Variants in ADK observed in about 807,000 individuals in gnomAD.
ADK encodes the protein adenosine kinase.
A neutral mutation model predicts 44.7 loss-of-function variants in ADK; 24 were observed. That is an observed-to-expected ratio of 0.54 (90% confidence interval 0.39 to 0.76). The LOEUF (loss-of-function observed/expected upper bound fraction) is 0.76. ADK is among the 30% of genes least tolerant of loss of function. ADK has a pLI of 0.00. For missense variants in ADK, 321 were observed against 425.1 expected (o/e 0.76, Z 2.15); for synonymous variants, 128 against 142.6 (o/e 0.90, Z 0.73).
At chr10:74,289,959 C>G (rs1847342166) in intron 3 of ADK, among the ~76,000 whole-genome samples, 1 of 151,856 alleles carries the variant, frequency 6.6e-6, no homozygotes, top group South Asian at 2.1e-4. Context: ...TACTCTTTCT[C>G]AAGATAATAT....
chr10:74,435,648 T>G (rs1223003488), intron 6 of ADK, among the ~76,000 whole-genome samples: 1 of 152,188 alleles, frequency 6.6e-6, no homozygotes, highest in Non-Finnish European at 1.5e-5. Context: ...AAATCTTGAC[T>G]ATTTGACAAG....
At chr10:74,612,549 T>C (rs1852595687) in intron 9 of ADK, among the ~76,000 whole-genome samples, 1 of 152,210 alleles carries the variant, frequency 6.6e-6, no homozygotes. Context: ...ATTGGTTGCA[T>C]AGTTAGCAAA....
rs140425822 is a variant in ADK, at chr10:74,156,474, G to C, written c.65+5131G>C. Among the ~76,000 whole-genome samples, 1,213 of 152,270 alleles carry C rather than the reference G, an allele frequency of 8.0e-3. 9 individuals carry two copies. Among genetic ancestry groups the C allele is most frequent in the African/African-American group, 0.02 (826 of 41,556 alleles). ...GCTCTACAAAAATAAACTTAGCCAG[G>C]CATGGCAGCAGGTTCCTGTTGTCCC... On this transcript the variant is annotated intron_variant, in intron 1 of 10. Coordinates refer to ENST00000539909, the MANE Select transcript of ADK (RefSeq NM_006721.4).
chr10:74,289,690 C>T (rs1314383314), intron 3 of ADK, among the ~76,000 whole-genome samples: 2 of 151,956 alleles, frequency 1.3e-5, no homozygotes, highest in African/African-American at 4.8e-5. Context: ...TTAAAAGTGG[C>T]ACTATGTTTT....
chr10:74,251,894 CTTTTTTT>C (rs566363104), intron 3 of ADK, among the ~76,000 whole-genome samples: 5 of 99,386 alleles, frequency 5.0e-5, no homozygotes, highest in East Asian at 2.9e-4. Flanking sequence ...GTGGCAGATA[CTTTTTTT>C]TTTTTTTTTT....
intron 10 of ADK, among the ~76,000 whole-genome samples, chr10:74,696,135 C>G (rs992938334): frequency 1.1e-4 from 16 of 152,086 alleles, no homozygotes; most frequent in African/African-American, 2.2e-4. Context: ...ATTCTCATCC[C>G]TTAGCCAACC....
At chr10:74,659,297 G>A (rs1284480633) in intron 9 of ADK, among the ~76,000 whole-genome samples, 1 of 152,128 alleles carries the variant, frequency 6.6e-6, no homozygotes. Context: ...ATCTATCATT[G>A]TTTTCTTGGT....
At chr10:74,656,974 C>G (rs1411009837) in intron 9 of ADK, among the ~76,000 whole-genome samples, 1 of 152,110 alleles carries the variant, frequency 6.6e-6, no homozygotes, top group Non-Finnish European at 1.5e-5. Context: ...ATCCTCCTGC[C>G]TCAGCCTCCT....
At chr10:74,513,613 G>A (rs1011217917) in intron 6 of ADK, among the ~76,000 whole-genome samples, 7 of 152,112 alleles carry the variant, frequency 4.6e-5, no homozygotes, top group African/African-American at 1.7e-4. Flanking sequence ...TCCAGTCTGT[G>A]TGTGTATACA....
intron 6 of ADK, among the ~76,000 whole-genome samples, chr10:74,520,571 C>T (rs1848775564): frequency 6.9e-6 from 1 of 145,810 alleles, no homozygotes. Context: ...AAATGATTAC[C>T]TTGAATTAAG....
At chr10:74,161,299 T>A (rs903343287) in intron 1 of ADK, among the ~76,000 whole-genome samples, 3 of 152,160 alleles carry the variant, frequency 2.0e-5, no homozygotes, top group African/African-American at 7.2e-5. Flanking sequence ...CCTCTCAGGT[T>A]CAAGCAATTC....
chr10:74,274,773 T>A (rs1846606086), intron 3 of ADK, among the ~76,000 whole-genome samples: 1 of 111,514 alleles, frequency 9.0e-6, no homozygotes, highest in Non-Finnish European at 2.1e-5. Context: ...ATATATATAA[T>A]TTTTTGTAGA....
At chr10:74,665,371 T>C (rs187887689) in intron 9 of ADK, among the ~76,000 whole-genome samples, 51 of 152,280 alleles carry the variant, frequency 3.3e-4, no homozygotes, top group Admixed American at 2.9e-3. Context: ...TTACCATCAC[T>C]TTTCTGTTTC....
chr10:74,565,905 A>G (rs977326482), intron 7 of ADK, among the ~76,000 whole-genome samples: 3 of 152,186 alleles, frequency 2.0e-5, no homozygotes, highest in Non-Finnish European at 2.9e-5. Context: ...CAAAATTGTT[A>G]TCTTGAGACA....
At chr10:74,362,974 G>T (rs1466799600) in intron 4 of ADK, among the ~76,000 whole-genome samples, 1 of 152,208 alleles carries the variant, frequency 6.6e-6, no homozygotes, top group African/African-American at 2.4e-5. Flanking sequence ...GCACAGATGG[G>T]ATAGGTCCCT....
intron 3 of ADK, among the ~76,000 whole-genome samples, chr10:74,267,615 T>C (rs1474413578): frequency 6.6e-6 from 1 of 152,132 alleles, no homozygotes; most frequent in Non-Finnish European, 1.5e-5. Context: ...AATTATTGGA[T>C]CACATATCTA....
intron 6 of ADK, among the ~76,000 whole-genome samples, chr10:74,433,703 A>C (rs1845080264): frequency 6.6e-6 from 1 of 152,188 alleles, no homozygotes; most frequent in African/African-American, 2.4e-5. Flanking sequence ...TTCAGTAACT[A>C]TTTACCAATG....
intron 1 of ADK, chr10:74,176,834 G>C: frequency 3.1e-6 from 5 of 1,605,724 alleles, no homozygotes; most frequent in Non-Finnish European, 4.2e-6. Flanking sequence ...GTAGAGCATC[G>C]GACGCGGGCG....
chr10:74,351,596 C>T lies in ADK; in HGVS notation c.273+36851C>T, dbSNP rs376357782. On this transcript the variant is annotated intron_variant, in intron 4 of 10. Transcript: ENST00000539909. ...AATCTGGCAAGAGAAAGAAATAAAGCGTATTTAAATAGGAATAGAGGAAGT... is the reference window on the plus strand; with the variant it reads ...AATCTGGCAAGAGAAAGAAATAAAGTGTATTTAAATAGGAATAGAGGAAGT... Among the ~76,000 whole-genome samples, 35 of 152,034 alleles carry T rather than the reference C, an allele frequency of 2.3e-4. 1 individual carries two copies. Among genetic ancestry groups the T allele is most frequent in the Middle Eastern group, 6.8e-3 (2 of 294 alleles).
Sources: gnomAD v4.1 joint callset for allele counts (sites outside exome capture counted in the v4.1 genomes callset) on GRCh38, gnomAD v4.1.1 for gene constraint, MANE v1.5 for transcripts, NCBI Gene and HGNC (gene_info 2026-07-23, HGNC 2026-07-21) for gene names.